The following DCT variants were observed in gnomAD, a reference collection of about 807,000 sequenced individuals.
DCT encodes the protein dopachrome tautomerase, also known as L-dopachrome tautomerase.
Under a neutral mutation model 53.0 loss-of-function variants are expected in DCT, and 47 were observed. That is an observed-to-expected ratio of 0.89 (90% CI 0.70 to 1.13). The LOEUF (loss-of-function observed/expected upper bound fraction) is 1.13, where lower values mean the gene tolerates loss of function less well. Among genes scored for constraint, DCT ranks in the 50% most tolerant of loss-of-function variants. The pLI is 0.00. For synonymous variants in DCT, 244 were observed against 237.0 expected, an observed-to-expected ratio of 1.03 and a Z score of -0.27; for missense variants, 669 against 637.4, an observed-to-expected ratio of 1.05 and a Z score of -0.53.
the DCT span, among the ~76,000 whole-genome samples, chr13:94,496,847 G>A: frequency 6.6e-6 from 1 of 152,164 alleles, no homozygotes; most frequent in African/African-American, 2.4e-5. Flanking sequence ...AGTGTCTAGT[G>A]GGCTGTGAAT....
the DCT span, among the ~76,000 whole-genome samples, chr13:94,518,166 G>GAAGGAAGGAAGGAAGA: frequency 7.0e-6 from 1 of 143,094 alleles, no homozygotes; most frequent in African/African-American, 2.8e-5. Flanking sequence ...ATGAAGGAAG[G>GAAGGAAGGAAGGAAGA]AAGGAAGAAA....
At chr13:94,549,312 C>A in the DCT span, among the ~76,000 whole-genome samples, 1 of 152,250 alleles carries the variant, frequency 6.6e-6, no homozygotes, top group Non-Finnish European at 1.5e-5. Flanking sequence ...CCCATCGGAG[C>A]CTCGGGTCTC....
chr13:94,547,962 CAA>C, the DCT span, among the ~76,000 whole-genome samples: 122 of 67,886 alleles, frequency 1.8e-3, 1 homozygote, highest in Middle Eastern at 8.2e-3. Context: ...AACTCCGTCT[CAA>C]AAAAAAAAAA....
chr13:94,477,656 AAATT>A (rs1285247450), intron 1 of DCT, among the ~76,000 whole-genome samples: 2 of 51,300 alleles, frequency 3.9e-5, no homozygotes, highest in African/African-American at 3.3e-4. Context: ...TTGAAAGTTA[AAATT>A]AAAAAAAAAA....
the DCT span, among the ~76,000 whole-genome samples, chr13:94,543,340 G>A: frequency 6.6e-6 from 1 of 152,128 alleles, no homozygotes; most frequent in East Asian, 1.9e-4. Context: ...GCAGCAGCAA[G>A]CACAAAGAAA....
chr13:94,542,333 T>A, the DCT span, among the ~76,000 whole-genome samples: 3 of 152,110 alleles, frequency 2.0e-5, no homozygotes, highest in African/African-American at 7.2e-5. Context: ...GGACTACAGG[T>A]GCACACCACC....
At chr13:94,525,740 C>A in the DCT span, among the ~76,000 whole-genome samples, 1 of 152,192 alleles carries the variant, frequency 6.6e-6, no homozygotes, top group African/African-American at 2.4e-5. Flanking sequence ...TAATCCCAGC[C>A]CTTTGGGAGG....
chr13:94,540,049 C>T, the DCT span, among the ~76,000 whole-genome samples: 1 of 152,090 alleles, frequency 6.6e-6, no homozygotes, highest in Admixed American at 6.5e-5. Context: ...AGGAAAGACT[C>T]TTTTTCATTG....
chr13:94,547,418 T>C, the DCT span, among the ~76,000 whole-genome samples: 97 of 152,026 alleles, frequency 6.4e-4, 1 homozygote, highest in Admixed American at 1.0e-3. Flanking sequence ...TGCCTGACCC[T>C]GCTCTAAACT....
the DCT span, among the ~76,000 whole-genome samples, chr13:94,527,909 G>T: frequency 6.6e-6 from 1 of 152,172 alleles, no homozygotes; most frequent in Non-Finnish European, 1.5e-5. Context: ...TAGATGAATG[G>T]CTAGCTAGAA....
chr13:94,499,225 A>G, the DCT span, among the ~76,000 whole-genome samples: 1 of 152,208 alleles, frequency 6.6e-6, no homozygotes, highest in African/African-American at 2.4e-5. Flanking sequence ...ACCCACCAGA[A>G]GGAAGAAACT....
rs1171865403 is a variant in DCT at position 94,475,977 on chromosome 13, G to A, written c.295+2984C>T. 2.9e-5 allele frequency among the ~76,000 whole-genome samples: 4 copies of A among 137,102 alleles called. No individual in the cohort carries two copies. In the East Asian group the frequency reaches 5.8e-4, roughly 20 times the overall value. 89.9% of individuals were successfully genotyped at this position (137,102 alleles called of 152,430 possible). A position where few individuals can be genotyped will look rare whatever the true frequency, so the allele number is the denominator to read the frequency against. ...GATGAGTTTGGACTGAGCAGATCAC[G>A]GGGGGAGGTGAGCCACAGCCTGGAG... On this transcript the variant is annotated intron_variant, in intron 1 of 7. Coordinates refer to ENST00000377028, the MANE Select transcript of DCT (RefSeq NM_001922.5).
the DCT span, among the ~76,000 whole-genome samples, chr13:94,493,281 C>A: frequency 6.6e-6 from 1 of 152,030 alleles, no homozygotes; most frequent in Admixed American, 6.6e-5. Context: ...GCCTGCCCCC[C>A]ACGACTTATG....
chr13:94,499,465 AGT>A, the DCT span, among the ~76,000 whole-genome samples: 9 of 150,774 alleles, frequency 6.0e-5, no homozygotes, highest in South Asian at 2.1e-4. Flanking sequence ...CATGAGAGTG[AGT>A]GTGTGTGTGT....
the DCT span, among the ~76,000 whole-genome samples, chr13:94,538,379 G>T: frequency 6.6e-6 from 1 of 152,194 alleles, no homozygotes; most frequent in African/African-American, 2.4e-5. Context: ...CACAGGCAGG[G>T]GGTGAGCCTG....
chr13:94,526,375 G>A, the DCT span, among the ~76,000 whole-genome samples: 3 of 152,270 alleles, frequency 2.0e-5, no homozygotes, highest in South Asian at 2.1e-4. Flanking sequence ...CGGATATTCC[G>A]AGATATTAAA....
At chr13:94,538,141 G>C in the DCT span, among the ~76,000 whole-genome samples, 3 of 152,102 alleles carry the variant, frequency 2.0e-5, no homozygotes, top group Non-Finnish European at 4.4e-5. Flanking sequence ...AAGTTTTCTC[G>C]GGCAGCCAAG....
chr13:94,549,111 C>G, the DCT span, among the ~76,000 whole-genome samples: 1 of 152,242 alleles, frequency 6.6e-6, no homozygotes, highest in African/African-American at 2.4e-5. Flanking sequence ...CAGGGCCAGA[C>G]CCAGGGCCGG....
the DCT span, among the ~76,000 whole-genome samples, chr13:94,513,650 T>C: frequency 6.6e-6 from 1 of 151,984 alleles, no homozygotes; most frequent in East Asian, 1.9e-4. Context: ...GTAAAGACTC[T>C]ACTCAGTTCC....
Sources: allele counts gnomAD v4.1 joint callset (sites outside exome capture counted in the v4.1 genomes callset), GRCh38; gene constraint gnomAD v4.1.1; transcripts MANE v1.5; gene names NCBI Gene and HGNC (gene_info 2026-07-23, HGNC 2026-07-21).